Variants in ANKS1A observed in about 807,000 individuals in gnomAD.
ANKS1A encodes the protein ankyrin repeat and sterile alpha motif domain containing 1A.
A neutral mutation model predicts 120.3 loss-of-function variants in ANKS1A; 55 were observed. That is an observed-to-expected ratio of 0.46 (90% CI 0.37 to 0.57). ANKS1A has a LOEUF of 0.57. Ranked by LOEUF, ANKS1A falls within the 20% of genes least tolerant of loss-of-function variation. The pLI, the probability that ANKS1A is intolerant of heterozygous loss-of-function variation, is 0.00. For missense variants in ANKS1A, 1,123 were observed against 1,480.3 expected, an observed-to-expected ratio of 0.76 and a Z score of 3.96; for synonymous variants, 590 against 604.7, an observed-to-expected ratio of 0.98 and a Z score of 0.36.
chr6:35,063,814 G>T (rs1776632917), intron 13 of ANKS1A, among the ~76,000 whole-genome samples: 3 of 152,236 alleles, frequency 2.0e-5, no homozygotes, highest in Non-Finnish European at 4.4e-5. Context: ...AGCAGCCAGT[G>T]TCAAGTGCAG....
chr6:34,889,397 C>A lies in ANKS1A; in HGVS notation c.-6C>A. The A allele has an allele frequency of 7.9e-7, 1 of 1,265,518 alleles. No homozygotes were observed. The highest frequency in any genetic ancestry group is 9.9e-7 in the Non-Finnish European group (1 of 1,008,668). 78.4% of individuals were successfully genotyped at this position (1,265,518 alleles called of 1,614,324 possible). On this transcript the variant is annotated 5_prime_UTR_variant, in exon 1 of 24. In the 5' UTR this introduces an upstream ATG that the reference lacks. Coordinates refer to ENST00000360359, the MANE Select transcript of ANKS1A (RefSeq NM_015245.3). This position sits in a 1 kb window ranked among gnomAD's most constrained non-coding sequence, Gnocchi z 5.5. ...GGAGGGGGTCCAGCGGGTGGCGGCCCTGGGGATGGGGAAGGAGCAGGAGCT... is the reference window on the plus strand; with the variant it reads ...GGAGGGGGTCCAGCGGGTGGCGGCCATGGGGATGGGGAAGGAGCAGGAGCT...
chr6:34,894,282 A>G (rs747767172), intron 1 of ANKS1A, among the ~76,000 whole-genome samples: 2 of 152,228 alleles, frequency 1.3e-5, no homozygotes, highest in African/African-American at 4.8e-5. Context: ...ACTCCTGTAT[A>G]AGAATATTGT....
chr6:35,077,952 C>A (rs1581746255), intron 13 of ANKS1A, among the ~76,000 whole-genome samples: 1 of 152,332 alleles, frequency 6.6e-6, no homozygotes, highest in South Asian at 2.1e-4. Context: ...GGTGGGCGCT[C>A]CGTGTGCCTC....
intron 1 of ANKS1A, among the ~76,000 whole-genome samples, chr6:34,937,277 C>T (rs9462035): frequency 0.026 from 3,983 of 151,526 alleles, 180 homozygotes; most frequent in African/African-American, 0.091. Flanking sequence ...TTGAGACCAG[C>T]CTGTGCAACA....
At chr6:35,087,116 A>C (rs1778032197) in intron 23 of ANKS1A, 67 bp downstream of exon 23, 1 of 1,495,014 alleles carries the variant, frequency 6.7e-7, no homozygotes, top group South Asian at 1.1e-5. Flanking sequence ...TGCCTTTGCC[A>C]TCCGATCTTT....
intron 16 of ANKS1A, among the ~76,000 whole-genome samples, chr6:35,080,265 A>AC (rs1245204430): frequency 6.6e-6 from 1 of 152,128 alleles, no homozygotes; most frequent in Non-Finnish European, 1.5e-5. Flanking sequence ...CCACCTGGGC[A>AC]CCCCCCAAAT....
chr6:35,007,053 A>T (rs1773497920), intron 10 of ANKS1A, among the ~76,000 whole-genome samples: 1 of 152,218 alleles, frequency 6.6e-6, no homozygotes, highest in Admixed American at 6.5e-5. Context: ...ATTAATAATA[A>T]GATGATTTAT....
intron 3 of ANKS1A, among the ~76,000 whole-genome samples, chr6:34,981,199 A>C (rs751110043): frequency 6.6e-6 from 1 of 152,312 alleles, no homozygotes; most frequent in East Asian, 1.9e-4. Flanking sequence ...ATTGATTTGC[A>C]TGCAAGAAGC....
rs1771977826 is a variant in ANKS1A at position 34,982,929 on chromosome 6, T to C, written c.808+102T>C. On this transcript the variant is annotated intron_variant, in intron 5 of 23. Transcript: ENST00000360359. The surrounding 1 kb of genome is among the most constrained non-coding windows in gnomAD (Gnocchi z 4.9). ...TTTTGCTGGCTGTGTTTGAACTCAA[T>C]GTATGTGTATCTCCACTGGTTGATT... The C allele has an allele frequency of 7.1e-7, 1 of 1,400,410 alleles. No homozygotes were observed. The highest frequency in any genetic ancestry group is 1.0e-6 in the Non-Finnish European group (1 of 988,984). The allele number at this position is 1,400,410 out of a possible 1,614,324, so 86.7% of individuals were successfully genotyped here.
chr6:34,898,183 T>C (rs541412004), intron 1 of ANKS1A, among the ~76,000 whole-genome samples: 2 of 152,306 alleles, frequency 1.3e-5, no homozygotes, highest in African/African-American at 4.8e-5. Flanking sequence ...TAAGGACATA[T>C]CTTTTATTGA....
chr6:35,095,368 T>C (rs1415127536), downstream of ANKS1A, among the ~76,000 whole-genome samples: 2 of 148,828 alleles, frequency 1.3e-5, no homozygotes, highest in Non-Finnish European at 3.0e-5. Context: ...AGGCCAAGAG[T>C]TCGAGACCAG....
At chr6:34,973,830 TCCTTCCCCTTC>T (rs1771304365) in intron 3 of ANKS1A, among the ~76,000 whole-genome samples, 1 of 147,978 alleles carries the variant, frequency 6.8e-6, no homozygotes, top group African/African-American at 2.5e-5. Context: ...CTTTCTTACC[TCCTTCCCCTTC>T]CCTTCCCCTT....
chr6:35,017,815 C>T lies in ANKS1A; in HGVS notation c.1766C>T (p.Ser589Phe). 6.2e-7 allele frequency: 1 copy of T among 1,614,210 alleles called. No homozygotes were observed. The highest frequency in any genetic ancestry group is 8.5e-7 in the Non-Finnish European group (1 of 1,180,040). ...SHPETLTHTA[S>F]PHPGGAEEGD... ...CCTGAAACTTTGACTCACACAGCAT[C>T]TCCGCACCCTGGTGGTGCTGAGGAA... Residue 589 changes from serine to phenylalanine, a missense_variant, in exon 11 of 24, where the codon TCT becomes TTT. By Grantham distance (155) the Ser-to-Phe change is radical. This residue lies in a region of ANKS1A where 904 missense variants were observed against 1,130.4 expected (regional missense o/e 0.80). Transcript: ENST00000360359.
At chr6:35,012,559 A>C (rs1350746703) in intron 10 of ANKS1A, among the ~76,000 whole-genome samples, 1 of 152,234 alleles carries the variant, frequency 6.6e-6, no homozygotes, top group African/African-American at 2.4e-5. Context: ...GGAGATTTGA[A>C]TTAGCAACTC....
chr6:35,036,586 A>G (rs1230967518), intron 11 of ANKS1A, among the ~76,000 whole-genome samples: 2 of 152,244 alleles, frequency 1.3e-5, no homozygotes, highest in African/African-American at 4.8e-5. Flanking sequence ...TTTGTTTAAC[A>G]GTTATGTTAA....
Position 35,050,467 on chromosome 6 carries a change from TC to T in ANKS1A, c.2011-3628del, listed in dbSNP as rs2127583577. ...CGTCCATTACACTTAACCTGCCTCT[TC>T]CCCTGAAATGCAGACCATTTCTGGG... On this transcript the variant is annotated intron_variant, in intron 11 of 23. Coordinates refer to ENST00000360359, the MANE Select transcript of ANKS1A (RefSeq NM_015245.3). The surrounding 1 kb of genome is among the most constrained non-coding windows in gnomAD (Gnocchi z 4.3). Among the ~76,000 whole-genome samples, 1 of 152,228 alleles carries T rather than the reference TC, an allele frequency of 6.6e-6. No individual in the cohort carries two copies. The highest frequency in any genetic ancestry group is 1.5e-5 in the Non-Finnish European group (1 of 67,964).
chr6:35,016,989 G>T (rs1245375313), intron 10 of ANKS1A, among the ~76,000 whole-genome samples: 1 of 146,472 alleles, frequency 6.8e-6, no homozygotes, highest in Non-Finnish European at 1.5e-5. Context: ...AGGGAGGGCG[G>T]GTGGCCTTTA....
At chr6:34,912,604 A>G (rs1767959249) in intron 1 of ANKS1A, among the ~76,000 whole-genome samples, 1 of 152,234 alleles carries the variant, frequency 6.6e-6, no homozygotes, top group Admixed American at 6.5e-5. Flanking sequence ...ATAGATTGAA[A>G]TAACTGAACA....
chr6:34,930,445 C>T (rs1234162328), intron 1 of ANKS1A, among the ~76,000 whole-genome samples: 1 of 152,192 alleles, frequency 6.6e-6, no homozygotes, highest in African/African-American at 2.4e-5. Flanking sequence ...GGTTCAGACT[C>T]GGCCCTGTTG....
Sources: allele counts gnomAD v4.1 joint callset (sites outside exome capture counted in the v4.1 genomes callset), GRCh38; gene constraint gnomAD v4.1.1; regional missense constraint gnomAD v4.1.1; non-coding constraint Gnocchi (gnomAD v3.1); transcripts MANE v1.5; gene names NCBI Gene and HGNC (gene_info 2026-07-23, HGNC 2026-07-21).